Variants in SEMA3D observed in about 807,000 individuals in gnomAD.
SEMA3D encodes the protein semaphorin-3D.
In SEMA3D, 84 loss-of-function variants were observed where a neutral mutation model predicts 100.1. The ratio of observed to expected loss-of-function variants is 0.84; its 90% confidence interval spans 0.70 to 1.01. SEMA3D has a LOEUF of 1.01. SEMA3D is among the 50% of genes least tolerant of loss of function. SEMA3D has a pLI of 0.00. For missense variants in SEMA3D, 875 were observed against 934.1 expected (o/e 0.94, Z 0.82); for synonymous variants, 312 against 320.7 (o/e 0.97, Z 0.29).
chr7:85,212,055 A>G, the SEMA3D span, among the ~76,000 whole-genome samples: 3 of 152,122 alleles, frequency 2.0e-5, no homozygotes, highest in Non-Finnish European at 4.4e-5. Flanking sequence ...CTACTTGTTC[A>G]ATGGTAAACT....
the SEMA3D span, among the ~76,000 whole-genome samples, chr7:85,193,407 C>T: frequency 6.6e-6 from 1 of 152,028 alleles, no homozygotes; most frequent in Non-Finnish European, 1.5e-5. Context: ...TCCCCTCTGC[C>T]TTTAGCAGGG....
intron 9 of SEMA3D, among the ~76,000 whole-genome samples, chr7:85,050,909 C>T (rs751723409): frequency 7.2e-5 from 11 of 151,812 alleles, no homozygotes; most frequent in African/African-American, 1.9e-4. Flanking sequence ...AGCACAGGTA[C>T]GCTGATCTGG....
At chr7:85,103,669 T>C (rs1788817765) in intron 3 of SEMA3D, among the ~76,000 whole-genome samples, 2 of 152,050 alleles carry the variant, frequency 1.3e-5, no homozygotes, top group Non-Finnish European at 2.9e-5. Flanking sequence ...CATTCTCCTA[T>C]TACCTTGTTC....
At chr7:85,201,141 G>A in the SEMA3D span, among the ~76,000 whole-genome samples, 1 of 152,090 alleles carries the variant, frequency 6.6e-6, no homozygotes, top group Non-Finnish European at 1.5e-5. Context: ...TTTCAGGGGA[G>A]GAAAACGATT....
At chr7:85,098,911 A>G (rs1043249761) in intron 3 of SEMA3D, among the ~76,000 whole-genome samples, 2 of 151,760 alleles carry the variant, frequency 1.3e-5, no homozygotes, top group African/African-American at 4.8e-5. Context: ...AGGATGTCAC[A>G]TAGTTTAAAC....
intron 1 of SEMA3D, among the ~76,000 whole-genome samples, chr7:85,181,978 T>A (rs1337162868): frequency 6.6e-6 from 1 of 152,238 alleles, no homozygotes; most frequent in Non-Finnish European, 1.5e-5. Flanking sequence ...TTTACCTATG[T>A]ATAAATGTCT....
intron 12 of SEMA3D, among the ~76,000 whole-genome samples, chr7:85,026,137 T>G (rs529660944): frequency 6.6e-6 from 1 of 152,142 alleles, no homozygotes; most frequent in Non-Finnish European, 1.5e-5. Context: ...GTGATACGTG[T>G]CCTTTAGTGT....
rs1292953628 is a variant in SEMA3D at position 85,045,572 on chromosome 7, G to A, written c.862-3287C>T. On this transcript the variant is annotated intron_variant, in intron 9 of 18. Coordinates refer to ENST00000284136, the MANE Select transcript of SEMA3D (RefSeq NM_001384900.1). ...AGTTATTGGATGATTTCAGATGTCT[G>A]CAGATGCAGACAGATTTATCTAGAT... is the stretch of plus-strand genomic sequence containing the variant. Among the ~76,000 whole-genome samples, 5 of 151,836 alleles carry A rather than the reference G, an allele frequency of 3.3e-5. No individual in the cohort carries two copies. In the East Asian group the frequency reaches 9.7e-4, roughly 29 times the overall value.
chr7:85,228,561 T>C, the SEMA3D span, among the ~76,000 whole-genome samples: 939 of 152,222 alleles, frequency 6.2e-3, 11 homozygotes, highest in African/African-American at 0.022. Context: ...CTCCAGGCCA[T>C]AGAGTCAAAA....
chr7:85,248,401 G>A, the SEMA3D span, among the ~76,000 whole-genome samples: 1 of 152,198 alleles, frequency 6.6e-6, no homozygotes, highest in South Asian at 2.1e-4. Flanking sequence ...TGATCACTTT[G>A]GAATATAGTT....
the SEMA3D span, among the ~76,000 whole-genome samples, chr7:85,207,963 C>G: frequency 2.0e-5 from 3 of 151,920 alleles, no homozygotes; most frequent in Non-Finnish European, 2.9e-5. Context: ...TATCTTGTTG[C>G]TTTTACTGAC....
chr7:85,012,920 T>C, intron 16 of SEMA3D, 74 bp from the exon 17 acceptor site: 1 of 1,132,800 alleles, frequency 8.8e-7, no homozygotes. Context: ...CATCTAATAC[T>C]AATAACAGTG....
chr7:85,192,299 T>C, the SEMA3D span, among the ~76,000 whole-genome samples: 1 of 152,026 alleles, frequency 6.6e-6, no homozygotes, highest in African/African-American at 2.4e-5. Flanking sequence ...TAAGTGAATG[T>C]CAAAGGCTTA....
chr7:85,055,620 A>T (rs2116078445), intron 9 of SEMA3D, 97 bp downstream of exon 9: 1 of 221,546 alleles, frequency 4.5e-6, no homozygotes, highest in African/African-American at 2.5e-5. Context: ...CTTTGGCTTA[A>T]ACCTTGCCAA....
chr7:85,233,277 A>G, the SEMA3D span, among the ~76,000 whole-genome samples: 1 of 152,226 alleles, frequency 6.6e-6, no homozygotes, highest in Non-Finnish European at 1.5e-5. Context: ...TGAAAAGTCA[A>G]TTTAAGAAAC....
At chr7:85,121,161 G>A (rs767767644) in intron 3 of SEMA3D, among the ~76,000 whole-genome samples, 39 of 152,198 alleles carry the variant, frequency 2.6e-4, no homozygotes, top group Non-Finnish European at 5.1e-4. Context: ...GCGTGAAACT[G>A]GACACAGACA....
At position 85,138,754 on chromosome 7, in the gene SEMA3D, G is replaced by A. The variant is rs967898668; in HGVS notation, c.-41+14854C>T. On this transcript the variant is annotated intron_variant, in intron 2 of 18. Coordinates refer to ENST00000284136, the MANE Select transcript of SEMA3D (RefSeq NM_001384900.1). The stretch of plus-strand genomic sequence containing the variant: ...AGGTATACACGTGCCATGGTGGTTT[G>A]CTGTACCATCAACCCGTCATCTACA... Among the ~76,000 whole-genome samples, 4 of 151,042 alleles carry A rather than the reference G, an allele frequency of 2.6e-5. No homozygotes were observed. The Admixed American group carries it at 2.7e-4, about 10-fold the overall frequency.
At chr7:84,999,910 A>C (rs1789611330) in intron 18 of SEMA3D, 45 bp from the exon 19 acceptor site, 2 of 1,511,262 alleles carry the variant, frequency 1.3e-6, no homozygotes, top group South Asian at 1.2e-5. Flanking sequence ...ACACAGAGAG[A>C]GCTAAGAGCA....
the SEMA3D span, among the ~76,000 whole-genome samples, chr7:85,236,055 T>A: frequency 6.6e-6 from 1 of 152,090 alleles, no homozygotes; most frequent in Non-Finnish European, 1.5e-5. Context: ...CCAATTTTCA[T>A]ATGTAACTTC....
Sources: gnomAD v4.1 joint callset for allele counts (sites outside exome capture counted in the v4.1 genomes callset) on GRCh38, gnomAD v4.1.1 for gene constraint, MANE v1.5 for transcripts, NCBI Gene and HGNC (gene_info 2026-07-23, HGNC 2026-07-21) for gene names.